HCN4: variants seen among roughly 807,000 people sequenced by gnomAD.
HCN4 encodes the protein hyperpolarization activated cyclic nucleotide gated potassium channel 4, also known as potassium/sodium hyperpolarization-activated cyclic nucleotide-gated channel 4.
HCN4 carries 29 observed loss-of-function variants against 76.9 expected under a neutral mutation model. The ratio of observed to expected loss-of-function variants is 0.38; its 90% CI spans 0.28 to 0.51. HCN4 has a LOEUF of 0.51. HCN4 is among the 20% of genes least tolerant of loss of function. HCN4 has a pLI of 0.90. For missense variants in HCN4, 1,416 were observed against 1,715.2 expected (o/e 0.83, Z 3.08); for synonymous variants, 772 against 762.5 (o/e 1.01, Z -0.21).
At chr15:73,324,367 A>G in intron 6 of HCN4, 114 bp from the exon 7 acceptor site, 1 of 1,171,136 alleles carries the variant, frequency 8.5e-7, no homozygotes, top group Non-Finnish European at 1.2e-6. Flanking sequence ...GCAGGCTCAC[A>G]AGGCCCTGCC....
chr15:73,356,248 G>A (rs1047341522), intron 1 of HCN4, among the ~76,000 whole-genome samples: 35 of 150,286 alleles, frequency 2.3e-4, no homozygotes, highest in Non-Finnish European at 4.1e-4. Context: ...GTGTGGTGGT[G>A]CAATCTTGGC....
At chr15:73,362,370 C>T (rs2043108645) in intron 1 of HCN4, among the ~76,000 whole-genome samples, 1 of 152,226 alleles carries the variant, frequency 6.6e-6, no homozygotes, top group Admixed American at 6.5e-5. Flanking sequence ...ACAGTAACCT[C>T]AATACTCCAA....
At chr15:73,344,800 T>C (rs1457348975) in intron 1 of HCN4, among the ~76,000 whole-genome samples, 1 of 152,124 alleles carries the variant, frequency 6.6e-6, no homozygotes, top group African/African-American at 2.4e-5. Context: ...GGGGGCCTTC[T>C]GGAGTGTGGA....
chr15:73,325,773 C>T lies in HCN4; in HGVS notation c.1591-329G>A, dbSNP rs1300307484. 6.6e-6 allele frequency among the ~76,000 whole-genome samples: 1 copy of T among 152,168 alleles called. No individual in the cohort carries two copies. The highest frequency in any genetic ancestry group is 2.4e-5 in the African/African-American group (1 of 41,422). On this transcript the variant is annotated intron_variant, in intron 4 of 7. Coordinates refer to ENST00000261917, the MANE Select transcript of HCN4 (RefSeq NM_005477.3). This position sits in a 1 kb window ranked among gnomAD's most constrained non-coding sequence, Gnocchi z 7.4. The stretch of plus-strand genomic sequence containing the variant: ...CAACTGTATCTCCAGGGAGGTCGAT[C>T]ACATTTCCTTGGAATGTTACACTGG...
rs959292495 is a variant in HCN4 at position 73,323,828 on chromosome 15, G to A, written c.2265C>T (p.Cys755=). ...AGGCAGCAGCCTGGACGCGGTGCGC[G>A]CAGTGGGCCATCTCCCGGTCATGCT... is the stretch of plus-strand genomic sequence containing the variant. ...IVQHDREMAH[C]AHRVQAAASA... is the part of the protein sequence containing the mutation. Residue 755 remains cysteine, a synonymous_variant, in exon 8 of 8, where the codon TGC becomes TGT. Coordinates refer to ENST00000261917, the MANE Select transcript of HCN4 (RefSeq NM_005477.3). The A allele has an allele frequency of 2.9e-5, 47 of 1,606,040 alleles. No homozygotes were observed. The highest frequency in any genetic ancestry group is 3.6e-5 in the Non-Finnish European group (42 of 1,179,918).
rs142298104 is a variant in HCN4 at position 73,323,780 on chromosome 15, G to A, written c.2313C>T (p.Pro771=). The change falls in exon 8 of 8, where the codon CCC becomes CCT. Residue 771 remains proline (P), a synonymous_variant. Coordinates refer to ENST00000261917, the MANE Select transcript of HCN4 (RefSeq NM_005477.3). The stretch of plus-strand genomic sequence containing the variant: ...CCTGGATCAGCGGGGTCCAGATGAC[G>A]GGCGTGGGGGTTGGGGTGGCAGAGG... ...AAASATPTPT[P]VIWTPLIQAP... is the part of the protein sequence containing the mutation. 61 of 1,607,776 alleles carry A rather than the reference G, an allele frequency of 3.8e-5. No individual in the cohort carries two copies. The African/African-American group carries it at 4.0e-4, about 11-fold the overall frequency.
At chr15:73,324,888 T>G in intron 6 of HCN4, 67 bp downstream of exon 6, 1 of 1,600,334 alleles carries the variant, frequency 6.2e-7, no homozygotes. Flanking sequence ...CTCTGTCCCC[T>G]CGGTATCTCC....
At chr15:73,363,359 T>G (rs905055257) in intron 1 of HCN4, among the ~76,000 whole-genome samples, 2 of 152,200 alleles carry the variant, frequency 1.3e-5, no homozygotes, top group Non-Finnish European at 2.9e-5. Flanking sequence ...GAGAACCCCT[T>G]TCCCCCCTCA....
chr15:73,332,700 A>G lies in HCN4; in HGVS notation c.1210-408T>C, dbSNP rs1256271167. ...TCCTCAGGGAACCAAAAGTCTACAG[A>G]CATGCCAGGGGCGTGTTTCCCTAAA... On this transcript the variant is annotated intron_variant, in intron 2 of 7. Coordinates refer to ENST00000261917, the MANE Select transcript of HCN4 (RefSeq NM_005477.3). Among the ~76,000 whole-genome samples, 5 of 152,172 alleles carry G rather than the reference A, an allele frequency of 3.3e-5. 1 individual carries two copies. The highest frequency in any genetic ancestry group is 7.4e-5 in the Non-Finnish European group (5 of 68,020).
At position 73,338,651 on chromosome 15, in the gene HCN4, A is replaced by G. The variant is rs1297656967; in HGVS notation, c.1209+4734T>C. Among the ~76,000 whole-genome samples, 3 of 152,152 alleles carry G rather than the reference A, an allele frequency of 2.0e-5. No homozygotes were observed. The East Asian group carries it at 5.8e-4, about 29-fold the overall frequency. On this transcript the variant is annotated intron_variant, in intron 2 of 7. Transcript: ENST00000261917. ...TCTCAGTCCCAAGGAGAGGCCAGAA[A>G]TTGGAGGTCTGGCTGCTGCTGTTTC...
In HCN4 at chr15:73,325,034, G is replaced by A; in HGVS notation, c.1899C>T (p.Tyr633=). The change falls in exon 6 of 8, where the codon TAC becomes TAT. Residue 633 remains tyrosine, a synonymous_variant. Transcript: ENST00000261917. The surrounding 1 kb of genome is among the most constrained non-coding windows in gnomAD (Gnocchi z 7.4). Reference sequence around the variant, plus strand: ...CGCTGACCACGCCATGCTGGATGAAGTACATCTTCTTGCCAATGGTGCCTT... The same window carrying A: ...CGCTGACCACGCCATGCTGGATGAAATACATCTTCTTGCCAATGGTGCCTT... ...IREGTIGKKM[Y]FIQHGVVSVL... The A allele has an allele frequency of 6.2e-7, 1 of 1,614,212 alleles. No homozygotes were observed. The highest frequency in any genetic ancestry group is 2.2e-5 in the East Asian group (1 of 44,868).
At chr15:73,365,437 A>G (rs1275612819) in intron 1 of HCN4, among the ~76,000 whole-genome samples, 1 of 152,094 alleles carries the variant, frequency 6.6e-6, no homozygotes, top group Non-Finnish European at 1.5e-5. Context: ...CCTGTTGCCC[A>G]TTTCACAATT....
At chr15:73,329,039 T>G (rs2042916319) in intron 4 of HCN4, among the ~76,000 whole-genome samples, 1 of 152,098 alleles carries the variant, frequency 6.6e-6, no homozygotes. Context: ...GGCCCCACTG[T>G]GCAAAGATGG....
intron 1 of HCN4, among the ~76,000 whole-genome samples, chr15:73,353,385 G>A (rs374903539): frequency 7.2e-5 from 11 of 152,210 alleles, no homozygotes; most frequent in African/African-American, 2.4e-4. Flanking sequence ...TGCCGTGCCC[G>A]GGAGGTCAGG....
chr15:73,355,766 C>A (rs1397065933), intron 1 of HCN4, among the ~76,000 whole-genome samples: 3 of 152,154 alleles, frequency 2.0e-5, no homozygotes, highest in Non-Finnish European at 2.9e-5. Flanking sequence ...TGCGCACACA[C>A]ACACACACAC....
At chr15:73,335,582 C>T (rs2042959496) in intron 2 of HCN4, 1 of 152,428 alleles carries the variant, frequency 6.6e-6, no homozygotes, top group Non-Finnish European at 1.5e-5. Context: ...GACTGTGCCC[C>T]CCAGCAGAGG....
At chr15:73,339,323 CT>C (rs2042984874) in intron 2 of HCN4, among the ~76,000 whole-genome samples, 1 of 152,216 alleles carries the variant, frequency 6.6e-6, no homozygotes, top group African/African-American at 2.4e-5. Flanking sequence ...ACTCACAAGA[CT>C]GCCTGACTGC....
Position 73,332,401 on chromosome 15 carries a change from T to C in HCN4, c.1210-109A>G. 4 of 1,116,258 alleles carry C rather than the reference T, an allele frequency of 3.6e-6. No individual in the cohort carries two copies. In the South Asian group the frequency reaches 5.2e-5, roughly 14 times the overall value. 69.1% of individuals were successfully genotyped at this position (1,116,258 alleles called of 1,614,324 possible). A position where few individuals can be genotyped will look rare whatever the true frequency, so the allele number is the denominator to read the frequency against. Reference sequence around the variant, plus strand: ...GGTGGGCACTGCTCTGCCTGGACTCTGCAGGGCGCCCACTCAGTGCAAATC... The same window carrying C: ...GGTGGGCACTGCTCTGCCTGGACTCCGCAGGGCGCCCACTCAGTGCAAATC... On this transcript the variant is annotated intron_variant, in intron 2 of 7. Coordinates refer to ENST00000261917, the MANE Select transcript of HCN4 (RefSeq NM_005477.3).
intron 4 of HCN4, among the ~76,000 whole-genome samples, chr15:73,327,677 AG>A: frequency 6.6e-6 from 1 of 151,840 alleles, no homozygotes; most frequent in East Asian, 2.0e-4. Context: ...CTACCTCCCT[AG>A]GAGGTAGAGA....
Sources: gnomAD v4.1 joint callset for allele counts (sites outside exome capture counted in the v4.1 genomes callset) on GRCh38, gnomAD v4.1.1 for gene constraint, Gnocchi (gnomAD v3.1) non-coding constraint, MANE v1.5 for transcripts, NCBI Gene and HGNC (gene_info 2026-07-23, HGNC 2026-07-21) for gene names.